NRXN3: variants seen among roughly 807,000 people sequenced by gnomAD.
The protein encoded by NRXN3 is neurexin 3, also known as neurexin III.
Under a neutral mutation model 137.6 loss-of-function variants are expected in NRXN3, and 32 were observed. The ratio of observed to expected loss-of-function variants is 0.23; its 90% confidence interval spans 0.18 to 0.31. The LOEUF (loss-of-function observed/expected upper bound fraction) is 0.31. Among genes scored for constraint, NRXN3 ranks in the 10% least tolerant of loss-of-function variants. NRXN3 has a pLI of 1.00. For missense variants in NRXN3, 1,574 were observed against 2,062.5 expected (o/e 0.76, Z 4.59); for synonymous variants, 798 against 784.5 (o/e 1.02, Z -0.29).
intron 10 of NRXN3, among the ~76,000 whole-genome samples, chr14:78,856,174 G>C (rs2099056582): frequency 6.6e-6 from 1 of 152,186 alleles, no homozygotes; most frequent in Non-Finnish European, 1.5e-5. Context: ...GCTTTTCACA[G>C]TTGCAAAGTC....
intron 4 of NRXN3, among the ~76,000 whole-genome samples, chr14:78,460,376 A>G (rs2094887918): frequency 6.6e-6 from 1 of 152,238 alleles, no homozygotes; most frequent in African/African-American, 2.4e-5. Flanking sequence ...TAGAGCTGAA[A>G]GTTCCAAACC....
chr14:78,501,839 A>G (rs982099872), intron 4 of NRXN3, among the ~76,000 whole-genome samples: 10 of 152,156 alleles, frequency 6.6e-5, no homozygotes, highest in Admixed American at 5.2e-4. Flanking sequence ...GCCAAAACTA[A>G]GAATTTTATT....
chr14:79,508,380 A>G (rs1305393691), intron 16 of NRXN3, among the ~76,000 whole-genome samples: 6 of 45,850 alleles, frequency 1.3e-4, no homozygotes, highest in Non-Finnish European at 3.1e-4. Context: ...TCTTTATAAA[A>G]CAATAACTGA....
intron 4 of NRXN3, among the ~76,000 whole-genome samples, chr14:78,561,203 G>T (rs910966515): frequency 3.3e-5 from 5 of 152,162 alleles, no homozygotes; most frequent in African/African-American, 1.2e-4. Flanking sequence ...GAAAGAACAA[G>T]AAATAAATTG....
At chr14:79,165,878 G>A (rs79706052) in intron 15 of NRXN3, among the ~76,000 whole-genome samples, 5,256 of 151,936 alleles carry the variant, frequency 0.035, 250 homozygotes, top group East Asian at 0.23. Context: ...CTGCTGATCC[G>A]TGCCTGATGG....
chr14:78,576,025 G>T (rs2096932526), intron 4 of NRXN3, among the ~76,000 whole-genome samples: 1 of 152,236 alleles, frequency 6.6e-6, no homozygotes, highest in African/African-American at 2.4e-5. Context: ...GTCACTGATG[G>T]AGAAATATTC....
chr14:79,824,859 A>T (rs1484623805), intron 20 of NRXN3, among the ~76,000 whole-genome samples: 1 of 152,218 alleles, frequency 6.6e-6, no homozygotes, highest in African/African-American at 2.4e-5. Flanking sequence ...TTTACATATA[A>T]CGGATGCATA....
intron 1 of NRXN3, among the ~76,000 whole-genome samples, chr14:78,228,876 A>T (rs2065021674): frequency 6.6e-6 from 1 of 152,200 alleles, no homozygotes; most frequent in South Asian, 2.1e-4. Flanking sequence ...AACCTCAAGG[A>T]ATGTGTCCCC....
At chr14:78,773,690 G>A (rs1449010809) in intron 8 of NRXN3, among the ~76,000 whole-genome samples, 2 of 152,068 alleles carry the variant, frequency 1.3e-5, no homozygotes, top group Admixed American at 6.5e-5. Context: ...CCCTTCCTCA[G>A]TGTTTTGACA....
At chr14:79,337,744 C>A (rs758411348) in intron 15 of NRXN3, among the ~76,000 whole-genome samples, 71 of 152,092 alleles carry the variant, frequency 4.7e-4, no homozygotes, top group Non-Finnish European at 8.2e-4. Flanking sequence ...TTAGGATGCC[C>A]AGGAATCACT....
At chr14:78,257,078 A>G (rs1274465427) in intron 2 of NRXN3, among the ~76,000 whole-genome samples, 1 of 152,020 alleles carries the variant, frequency 6.6e-6, no homozygotes, top group Non-Finnish European at 1.5e-5. Context: ...ATGGGGAGAT[A>G]CTCCAGTTAC....
At chr14:79,468,217 G>A (rs971155528) in intron 16 of NRXN3, among the ~76,000 whole-genome samples, 3 of 152,184 alleles carry the variant, frequency 2.0e-5, no homozygotes, top group African/African-American at 7.2e-5. Context: ...AATTAAAAAT[G>A]ATTTAGAAGA....
At chr14:79,327,265 G>C (rs1488202920) in intron 15 of NRXN3, among the ~76,000 whole-genome samples, 1 of 152,058 alleles carries the variant, frequency 6.6e-6, no homozygotes, top group Non-Finnish European at 1.5e-5. Context: ...TTACTCACTT[G>C]AATCTCTTTG....
intron 10 of NRXN3, among the ~76,000 whole-genome samples, chr14:78,826,837 A>G (rs990829957): frequency 1.3e-5 from 2 of 152,186 alleles, no homozygotes; most frequent in East Asian, 1.9e-4. Flanking sequence ...TTGGTATCCT[A>G]TGAACTATGT....
intron 18 of NRXN3, among the ~76,000 whole-genome samples, chr14:79,696,476 A>G (rs1041986474): frequency 6.6e-6 from 1 of 151,862 alleles, no homozygotes; most frequent in African/African-American, 2.4e-5. Flanking sequence ...TCCTTTCTTC[A>G]TATGGAAAAG....
chr14:78,833,919 C>T (rs2152415223), intron 10 of NRXN3, among the ~76,000 whole-genome samples: 1 of 152,258 alleles, frequency 6.6e-6, no homozygotes, highest in South Asian at 2.1e-4. Flanking sequence ...TAGTTGTGAA[C>T]AAGACAGCTT....
At chr14:79,756,756 A>G (rs980359546) in intron 19 of NRXN3, among the ~76,000 whole-genome samples, 6 of 152,186 alleles carry the variant, frequency 3.9e-5, no homozygotes, top group Non-Finnish European at 7.3e-5. Context: ...TTTGGGCTTG[A>G]GTTATCCATC....
rs1173261737 is a variant in NRXN3 at position 78,858,459 on chromosome 14, C to T, written c.2275+48115C>T. On this transcript the variant is annotated intron_variant, in intron 10 of 20. Transcript: ENST00000335750. ...CACTAGAGTAATTTTAATTCATTCT[C>T]TTCTGAAGAAAGAGGTAAAGATGAA... Among the ~76,000 whole-genome samples the T allele has an allele frequency of 2.6e-5, 4 of 152,202 alleles. No homozygotes were observed. In the East Asian group the frequency reaches 7.7e-4, roughly 29 times the overall value.
At chr14:79,240,996 C>T (rs1221590229) in intron 15 of NRXN3, among the ~76,000 whole-genome samples, 2 of 152,072 alleles carry the variant, frequency 1.3e-5, no homozygotes, top group Non-Finnish European at 2.9e-5. Context: ...ATGTGTCCTT[C>T]CCCCTTTATA....
Sources: allele counts gnomAD v4.1 joint callset (sites outside exome capture counted in the v4.1 genomes callset), GRCh38; gene constraint gnomAD v4.1.1; transcripts MANE v1.5; gene names NCBI Gene and HGNC (gene_info 2026-07-23, HGNC 2026-07-21).